TTC14: variants seen among roughly 807,000 people sequenced by gnomAD.
The protein encoded by TTC14 is tetratricopeptide repeat protein 14.
In TTC14, 63 loss-of-function variants were observed where a neutral mutation model predicts 79.9. The ratio of observed to expected loss-of-function variants is 0.79; its 90% CI spans 0.64 to 0.97. TTC14 has a LOEUF of 0.97. Among genes scored for constraint, TTC14 ranks in the 50% least tolerant of loss-of-function variants. The pLI, the probability that TTC14 is intolerant of heterozygous loss-of-function variation, is 0.00. For synonymous variants in TTC14, 335 were observed against 309.6 expected, an observed-to-expected ratio of 1.08 and a Z score of -0.86; for missense variants, 895 against 894.0, an observed-to-expected ratio of 1.00 and a Z score of -0.01.
chr3:180,602,197 C>G lies in TTC14; in HGVS notation c.-65C>G. ...CTTCCGCTTCCTGTACCACCCGGCTCAAGTAGCGGACACGGAACAGGGAAC... is the reference window on the plus strand; with the variant it reads ...CTTCCGCTTCCTGTACCACCCGGCTGAAGTAGCGGACACGGAACAGGGAAC... On this transcript the variant is annotated 5_prime_UTR_variant, in exon 1 of 12. Transcript: ENST00000296015. 7.6e-6 allele frequency: 12 copies of G among 1,582,644 alleles called. No individual in the cohort carries two copies. The highest frequency in any genetic ancestry group is 9.5e-6 in the Non-Finnish European group (11 of 1,163,932).
rs781574147 is a variant in TTC14 at position 180,604,927 on chromosome 3, T to C, written c.777T>C (p.Asn259=). ...TGCAGAGTTCCTTGGGATTTGTTAA[T>C]CCAGGAGTAGTTGAATTCCTTCTAG... ...NVMQSSLGFV[N]PGVVEFLLEK... is the part of the protein sequence containing the mutation. Residue 259 remains asparagine, a synonymous_variant, in exon 6 of 12, where the codon AAT becomes AAC. Transcript: ENST00000296015. 1 of 1,614,094 alleles carries C rather than the reference T, an allele frequency of 6.2e-7. No individual in the cohort carries two copies. Among genetic ancestry groups the C allele is most frequent in the Admixed American group, 1.7e-5 (1 of 60,024 alleles).
Position 180,610,189 on chromosome 3 carries a change from A to G in TTC14, c.1960A>G (p.Arg654Gly). ...GAGATTTGAAAAGGATATAGAGGGA[A>G]GAAAAGAGCACTATAGAAGGTGGGA... is the stretch of plus-strand genomic sequence containing the variant. ...YRRFEKDIEG[R>G]KEHYRRWEPG... is the part of the protein sequence containing the mutation. Residue 654 changes from arginine to glycine, a missense_variant, in exon 12 of 12, where the codon AGA becomes GGA. By Grantham distance (125) the Arg-to-Gly change is moderately radical (BLOSUM62 -2). Transcript: ENST00000296015. 6.2e-7 allele frequency: 1 copy of G among 1,613,940 alleles called. No homozygotes were observed. The highest frequency in any genetic ancestry group is 1.3e-5 in the African/African-American group (1 of 75,054).
chr3:180,615,628 C>T (rs1483422984), downstream of TTC14, among the ~76,000 whole-genome samples: 1 of 151,742 alleles, frequency 6.6e-6, no homozygotes, highest in Non-Finnish European at 1.5e-5. Context: ...TTTTTAGGGG[C>T]CTCTTCATGA....
chr3:180,607,088 G>A (rs2108394844), intron 9 of TTC14, among the ~76,000 whole-genome samples: 1 of 152,248 alleles, frequency 6.6e-6, no homozygotes, highest in African/African-American at 2.4e-5. Context: ...ACACAAAAGT[G>A]ATCCCATTGT....
At chr3:180,603,742 C>T (rs1576917699) in intron 3 of TTC14, 1 of 237,766 alleles carries the variant, frequency 4.2e-6, no homozygotes. Context: ...GTGGTTTGTA[C>T]ATTATATTAA....
Position 180,605,025 on chromosome 3 carries a change from T to C in TTC14, c.857+18T>C. The C allele has an allele frequency of 6.3e-7, 1 of 1,592,542 alleles. No individual in the cohort carries two copies. Among genetic ancestry groups the C allele is most frequent in the Non-Finnish European group, 8.5e-7 (1 of 1,170,614 alleles). ...CTACAAAGGTATAGTACATCAGTATTACTCTTAGATGGTGAGGGGAGTGGC... is the reference window on the plus strand; with the variant it reads ...CTACAAAGGTATAGTACATCAGTATCACTCTTAGATGGTGAGGGGAGTGGC... On this transcript the variant is annotated intron_variant, in intron 6 of 11. Coordinates refer to ENST00000296015, the MANE Select transcript of TTC14 (RefSeq NM_133462.4).
At chr3:180,603,070 G>A in intron 2 of TTC14, 54 bp from the exon 3 acceptor site, 1 of 1,610,822 alleles carries the variant, frequency 6.2e-7, no homozygotes, top group Non-Finnish European at 8.5e-7. Flanking sequence ...AGTACTTCAG[G>A]TGAAACGGAA....
chr3:180,613,598 A>G (rs1048375282), downstream of TTC14, among the ~76,000 whole-genome samples: 2 of 152,202 alleles, frequency 1.3e-5, no homozygotes, highest in Non-Finnish European at 2.9e-5. Flanking sequence ...AATGAGGAAA[A>G]CAGGGAAGTA....
chr3:180,608,007 A>G (rs2108395798), intron 10 of TTC14: 1 of 1,236,142 alleles, frequency 8.1e-7, no homozygotes, highest in East Asian at 3.8e-5. Flanking sequence ...TGTTTTGAGA[A>G]ATGTCCTTAT....
chr3:180,610,522 G>A lies in TTC14; in HGVS notation c.2293G>A (p.Gly765Arg). Residue 765 changes from glycine (G) to arginine (R), a missense_variant, in exon 12 of 12, where the codon GGA becomes AGA. Gly to Arg is a moderately radical substitution (Grantham distance 125, BLOSUM62 -2). Transcript: ENST00000296015. Reference protein sequence around the residue: ...NQIAEFEKEKGNKSKN With the variant: ...NQIAEFEKEKRNKSKN ...GATAGCTGAATTTGAAAAAGAAAAA[G>A]GAAATAAGTCAAAAAATTAATACAC... is the stretch of plus-strand genomic sequence containing the variant. 3.8e-6 allele frequency: 6 copies of A among 1,573,654 alleles called. No homozygotes were observed. Among genetic ancestry groups the A allele is most frequent in the Non-Finnish European group, 5.1e-6 (6 of 1,167,014 alleles).
rs774514432 is a variant in TTC14, at chr3:180,610,325, A to C, written c.2096A>C (p.His699Pro). Residue 699 changes from histidine to proline, a missense_variant, in exon 12 of 12, where the codon CAT becomes CCT. Physicochemically the swap from His to Pro is moderately conservative, Grantham distance 77. Coordinates refer to ENST00000296015, the MANE Select transcript of TTC14 (RefSeq NM_133462.4). ...AHSGSRDFSR[H>P]EQRYRLNTNQ... Reference sequence around the variant, plus strand: ...TCTGGATCACGTGATTTCAGTAGACATGAGCAAAGATACCGTTTAAATACA... The same window carrying C: ...TCTGGATCACGTGATTTCAGTAGACCTGAGCAAAGATACCGTTTAAATACA... The C allele has an allele frequency of 6.2e-7, 1 of 1,613,266 alleles. No individual in the cohort carries two copies. The highest frequency in any genetic ancestry group is 2.2e-5 in the East Asian group (1 of 44,840).
At chr3:180,613,281 C>T (rs1436105359), downstream of TTC14, among the ~76,000 whole-genome samples, 2 of 152,198 alleles carry the variant, frequency 1.3e-5, no homozygotes, top group Non-Finnish European at 2.9e-5. Context: ...TCTTGGTCTC[C>T]ATAAGCAGAT....
At chr3:180,605,622 C>G in intron 6 of TTC14, 144 bp from the exon 7 acceptor site, 1 of 611,706 alleles carries the variant, frequency 1.6e-6, no homozygotes, top group East Asian at 3.3e-5. Context: ...TTCGAAAGTT[C>G]AAAGATTTTG....
chr3:180,616,794 A>G (rs199816054), intron 12 of TTC14: 46 of 1,599,480 alleles, frequency 2.9e-5, no homozygotes, highest in Non-Finnish European at 3.8e-5. Flanking sequence ...AAATGTAAAT[A>G]TGAAAGGTCA....
At position 180,603,516 on chromosome 3, in the gene TTC14, G is replaced by A. The variant is rs1317711867; in HGVS notation, c.486+193G>A. 5.2e-6 allele frequency: 3 copies of A among 582,324 alleles called. No individual in the cohort carries two copies. In the African/African-American group the frequency reaches 5.6e-5, roughly 11 times the overall value. The allele number at this position is 582,324 out of a possible 1,614,324, so 36.1% of individuals were successfully genotyped here. On this transcript the variant is annotated intron_variant, in intron 3 of 11. Coordinates refer to ENST00000296015, the MANE Select transcript of TTC14 (RefSeq NM_133462.4). ...GTTTCTCCCTCCATTTCTGGTTTTT[G>A]GGATTTTTTAAATTTAAACTGGTTG...
At chr3:180,612,060 T>G (rs535409266), downstream of TTC14, among the ~76,000 whole-genome samples, 3 of 152,266 alleles carry the variant, frequency 2.0e-5, no homozygotes, top group East Asian at 5.8e-4. Context: ...AAAGCATTAG[T>G]CTTTGCACCA....
At position 180,604,460 on chromosome 3, in the gene TTC14, CTT is replaced by C. The variant is rs59520418; in HGVS notation, c.572-8_572-7del. On this transcript the variant is annotated splice_polypyrimidine_tract_variant and intron_variant, in intron 4 of 11. Coordinates refer to ENST00000296015, the MANE Select transcript of TTC14 (RefSeq NM_133462.4). The stretch of plus-strand genomic sequence containing the variant: ...TTTTCTTACTAATCAGCTTAGTTCT[CTT>C]TTTTTTTTTCTTAAGCTGGAATCAA... The C allele has an allele frequency of 1.1e-5, 14 of 1,309,072 alleles. No homozygotes were observed. Among genetic ancestry groups the C allele is most frequent in the Middle Eastern group, 2.3e-4 (1 of 4,444 alleles). The allele number at this position is 1,309,072 out of a possible 1,614,324, so 81.1% of individuals were successfully genotyped here.
At chr3:180,602,663 C>T (rs745455231) in intron 1 of TTC14, 2 of 704,852 alleles carry the variant, frequency 2.8e-6, no homozygotes, top group South Asian at 2.1e-5. Context: ...AGCTAAAAAT[C>T]CCTTGAGCTT....
At chr3:180,605,559 G>A (rs1406888742) in intron 6 of TTC14, 2 of 428,006 alleles carry the variant, frequency 4.7e-6, no homozygotes, top group African/African-American at 4.3e-5. Context: ...GGGATTACAG[G>A]CGTGAGCCAC....
Sources: gnomAD v4.1 joint callset for allele counts (sites outside exome capture counted in the v4.1 genomes callset) on GRCh38, gnomAD v4.1.1 for gene constraint, MANE v1.5 for transcripts, NCBI Gene and HGNC (gene_info 2026-07-23, HGNC 2026-07-21) for gene names.